Variants in MAGI2 observed in about 807,000 individuals in gnomAD.
MAGI2 encodes membrane associated guanylate kinase, WW and PDZ domain containing 2.
Under a neutral mutation model 133.3 loss-of-function variants are expected in MAGI2, and 35 were observed. The ratio of observed to expected loss-of-function variants is 0.26; its 90% CI spans 0.20 to 0.35. MAGI2 has a LOEUF of 0.35. Ranked by LOEUF, MAGI2 falls within the 10% of genes least tolerant of loss-of-function variation. The pLI is 1.00. For missense variants in MAGI2, 1,636 were observed against 1,863.4 expected (o/e 0.88, Z 2.25); for synonymous variants, 729 against 710.6 (o/e 1.03, Z -0.41).
intron 2 of MAGI2, among the ~76,000 whole-genome samples, chr7:79,004,453 A>T (rs1386233322): frequency 1.3e-5 from 2 of 152,148 alleles, no homozygotes; most frequent in Non-Finnish European, 2.9e-5. Flanking sequence ...GGGTTAGGAG[A>T]GTGAGGAATT....
At chr7:78,121,231 TAA>T (rs60654902) in intron 20 of MAGI2, among the ~76,000 whole-genome samples, 3 of 126,598 alleles carry the variant, frequency 2.4e-5, no homozygotes, top group Non-Finnish European at 3.4e-5. Context: ...GCAGAAACTA[TAA>T]AAAAAAAAAA....
chr7:78,234,719 C>T (rs1489084775), intron 10 of MAGI2, among the ~76,000 whole-genome samples: 1 of 149,836 alleles, frequency 6.7e-6, no homozygotes, highest in Non-Finnish European at 1.5e-5. Flanking sequence ...TAGGTGATTT[C>T]GTTCATTTAT....
At chr7:78,822,729 G>A (rs74981856) in intron 2 of MAGI2, among the ~76,000 whole-genome samples, 2,353 of 152,092 alleles carry the variant, frequency 0.015, 33 homozygotes, top group African/African-American at 0.04. Context: ...AAGACAGCAT[G>A]CCTGAAGTAT....
intron 1 of MAGI2, among the ~76,000 whole-genome samples, chr7:79,366,070 C>T (rs1216395971): frequency 3.3e-5 from 5 of 151,054 alleles, no homozygotes; most frequent in Non-Finnish European, 7.4e-5. Context: ...GGTGAAACCC[C>T]GTTTCTACTA....
chr7:79,138,525 T>C (rs17152006), intron 1 of MAGI2, among the ~76,000 whole-genome samples: 4,354 of 152,310 alleles, frequency 0.029, 76 homozygotes, highest in Middle Eastern at 0.044. Flanking sequence ...CATATTCAAA[T>C]GTAAAACTAT....
intron 2 of MAGI2, among the ~76,000 whole-genome samples, chr7:78,845,425 C>T (rs1009433299): frequency 7.9e-5 from 12 of 151,972 alleles, no homozygotes; most frequent in African/African-American, 2.9e-4. Context: ...CAGCTCTAAA[C>T]ACATAACAAA....
intron 14 of MAGI2, among the ~76,000 whole-genome samples, chr7:78,177,001 A>G (rs1407406107): frequency 6.6e-6 from 1 of 151,498 alleles, no homozygotes; most frequent in African/African-American, 2.4e-5. Flanking sequence ...AACAAAATTG[A>G]TAATGATAAA....
intron 21 of MAGI2, among the ~76,000 whole-genome samples, chr7:78,044,166 G>A (rs777175833): frequency 3.0e-4 from 45 of 152,136 alleles, no homozygotes; most frequent in Non-Finnish European, 5.1e-4. Flanking sequence ...CAAAATTTAC[G>A]GTACCATTAA....
intron 2 of MAGI2, among the ~76,000 whole-genome samples, chr7:78,805,526 T>TA (rs1200576098): frequency 6.6e-6 from 1 of 152,076 alleles, no homozygotes; most frequent in Non-Finnish European, 1.5e-5. Flanking sequence ...AACTTATGTT[T>TA]AAAAAAATCA....
intron 1 of MAGI2, among the ~76,000 whole-genome samples, chr7:79,172,040 C>T (rs1025496378): frequency 2.5e-4 from 38 of 151,720 alleles, no homozygotes; most frequent in African/African-American, 8.5e-4. Flanking sequence ...TTCTAAACCA[C>T]CCAGCAGCTA....
intron 2 of MAGI2, among the ~76,000 whole-genome samples, chr7:78,887,074 C>T (rs528390647): frequency 2.6e-4 from 40 of 152,268 alleles, no homozygotes; most frequent in Non-Finnish European, 5.0e-4. Flanking sequence ...TGAGGCCTCC[C>T]CAGCCCCATG....
chr7:78,369,520 C>T (rs952592030), intron 6 of MAGI2, among the ~76,000 whole-genome samples: 5 of 152,010 alleles, frequency 3.3e-5, no homozygotes, highest in East Asian at 3.9e-4. Context: ...GAAGGCAAAT[C>T]GCTTTCCTGA....
At chr7:79,300,727 G>C (rs1051343847) in intron 1 of MAGI2, among the ~76,000 whole-genome samples, 1 of 152,188 alleles carries the variant, frequency 6.6e-6, no homozygotes, top group African/African-American at 2.4e-5. Flanking sequence ...GCCAAGTGTT[G>C]ATAGCCAAGG....
At chr7:78,786,391 T>C (rs544163148) in intron 2 of MAGI2, among the ~76,000 whole-genome samples, 11 of 152,336 alleles carry the variant, frequency 7.2e-5, no homozygotes, top group African/African-American at 2.6e-4. Context: ...TCCAATCCTA[T>C]GGGTCCTTTT....
intron 2 of MAGI2, among the ~76,000 whole-genome samples, chr7:78,728,812 G>A (rs569598305): frequency 2.4e-5 from 3 of 124,526 alleles, no homozygotes; most frequent in African/African-American, 5.5e-5. Context: ...TGATCCGCCC[G>A]CCTCGGCCTC....
At position 78,687,789 on chromosome 7, in the gene MAGI2, T is replaced by C. The variant is rs575265220; in HGVS notation, c.419-60550A>G. 4.0e-3 allele frequency among the ~76,000 whole-genome samples: 611 copies of C among 151,288 alleles called. 4 individuals are homozygous for C. The highest frequency in any genetic ancestry group is 0.014 in the African/African-American group (577 of 41,294). ...TTCAAGACCAGCCTGGTCAACATGG[T>C]GAAACCCCTTCTCTACTAAAAATAC... On this transcript the variant is annotated intron_variant, in intron 2 of 21. Coordinates refer to ENST00000354212, the MANE Select transcript of MAGI2 (RefSeq NM_012301.4).
intron 15 of MAGI2, 32 bp downstream of exon 15, chr7:78,167,884 C>G: frequency 1.3e-6 from 2 of 1,591,478 alleles, no homozygotes; most frequent in Non-Finnish European, 1.7e-6. Flanking sequence ...CCACCTAACC[C>G]TCGATTCCTG....
chr7:78,686,053 G>A (rs1816278867), intron 2 of MAGI2, among the ~76,000 whole-genome samples: 1 of 148,448 alleles, frequency 6.7e-6, no homozygotes, highest in Non-Finnish European at 1.5e-5. Context: ...ATTGGAAGGT[G>A]TGCTTTTGCT....
At chr7:78,343,244 A>G (rs1039723808) in intron 9 of MAGI2, among the ~76,000 whole-genome samples, 1 of 152,214 alleles carries the variant, frequency 6.6e-6, no homozygotes, top group African/African-American at 2.4e-5. Flanking sequence ...ATTTGAGTAG[A>G]CATCTGAGTA....
Sources: gnomAD v4.1 joint callset for allele counts (sites outside exome capture counted in the v4.1 genomes callset) on GRCh38, gnomAD v4.1.1 for gene constraint, MANE v1.5 for transcripts, NCBI Gene and HGNC (gene_info 2026-07-23, HGNC 2026-07-21) for gene names.